MBNL1: variants seen among roughly 807,000 people sequenced by gnomAD.
MBNL1 encodes muscleblind-like protein 1.
Under a neutral mutation model 42.2 loss-of-function variants are expected in MBNL1, and 8 were observed. The observed-to-expected ratio is 0.19, with a 90% CI of 0.11 to 0.34. The LOEUF is 0.34. MBNL1 is among the 10% of genes least tolerant of loss of function. The probability of loss-of-function intolerance (pLI) is 1.00; values close to 1 mark genes in which losing one functional copy is unlikely to be tolerated. For missense variants in MBNL1, 309 were observed against 495.3 expected (o/e 0.62, Z 3.57); for synonymous variants, 169 against 173.9 (o/e 0.97, Z 0.22).
chr3:152,432,648 G>T, intron 3 of MBNL1, 69 bp from the exon 4 acceptor site: 1 of 1,348,546 alleles, frequency 7.4e-7, no homozygotes, highest in East Asian at 2.3e-5. Flanking sequence ...GAGGACAAAT[G>T]TATAATTAAG....
intron 1 of MBNL1, among the ~76,000 whole-genome samples, chr3:152,294,649 GTCAGA>G (rs1363742151): frequency 1.3e-5 from 2 of 151,990 alleles, no homozygotes; most frequent in East Asian, 3.8e-4. Flanking sequence ...TGAAATATAG[GTCAGA>G]TATTTACCTC....
rs748897568 is a variant in MBNL1, at chr3:152,464,712, A to G, written c.*2346A>G. 6.6e-6 allele frequency: 1 copy of G among 152,634 alleles called. No homozygotes were observed. Among genetic ancestry groups the G allele is most frequent in the Non-Finnish European group, 1.5e-5 (1 of 68,030 alleles). 9.5% of individuals were successfully genotyped at this position (152,634 alleles called of 1,614,324 possible). ...TTTTTGTTGATAATCCAAATACTCA[A>G]AGTTTACGTAATGAAAATTATAGCG... On this transcript the variant is annotated 3_prime_UTR_variant, in exon 10 of 10. Coordinates refer to ENST00000324210, the MANE Select transcript of MBNL1 (RefSeq NM_021038.5).
At chr3:152,399,946 G>T (rs1178902747) in intron 2 of MBNL1, among the ~76,000 whole-genome samples, 2 of 152,100 alleles carry the variant, frequency 1.3e-5, no homozygotes, top group African/African-American at 2.4e-5. Context: ...GGATTATTTA[G>T]GTCACTTTCA....
intron 2 of MBNL1, among the ~76,000 whole-genome samples, chr3:152,352,732 C>T (rs1415196832): frequency 6.6e-6 from 1 of 152,178 alleles, no homozygotes; most frequent in African/African-American, 2.4e-5. Context: ...TAACCCACAT[C>T]AGTTCCTGTT....
At chr3:152,368,733 C>T (rs1034469231) in intron 2 of MBNL1, among the ~76,000 whole-genome samples, 5 of 152,148 alleles carry the variant, frequency 3.3e-5, no homozygotes, top group African/African-American at 1.2e-4. Flanking sequence ...CCTTCACATT[C>T]CTTGTAAGTT....
chr3:152,388,085 A>G (rs2097527458), intron 2 of MBNL1, among the ~76,000 whole-genome samples: 1 of 152,170 alleles, frequency 6.6e-6, no homozygotes, highest in Non-Finnish European at 1.5e-5. Flanking sequence ...GACCCTTGAC[A>G]TTCTTGTAGT....
At chr3:152,382,278 A>C (rs1490561036) in intron 2 of MBNL1, among the ~76,000 whole-genome samples, 1 of 152,092 alleles carries the variant, frequency 6.6e-6, no homozygotes, top group Non-Finnish European at 1.5e-5. Flanking sequence ...AGCAAAGAAA[A>C]TATTTTTCTT....
chr3:152,282,820 A>G (rs1403700732), intron 1 of MBNL1, among the ~76,000 whole-genome samples: 1 of 152,214 alleles, frequency 6.6e-6, no homozygotes, highest in African/African-American at 2.4e-5. Context: ...TATGCTTAGA[A>G]TCAATGCTTT....
chr3:152,365,624 G>C lies in MBNL1; in HGVS notation c.175-49317G>C, dbSNP rs181851443. On this transcript the variant is annotated intron_variant, in intron 2 of 9. Coordinates refer to ENST00000324210, the MANE Select transcript of MBNL1 (RefSeq NM_021038.5). ...CCTAAAATTATGGCTTCTAAAAATG[G>C]AATTGGGAAACCCTTGCTTAATTTT... is the stretch of plus-strand genomic sequence containing the variant. Among the ~76,000 whole-genome samples the C allele has an allele frequency of 2.7e-3, 407 of 152,134 alleles. 8 individuals carry two copies. The highest frequency in any genetic ancestry group is 0.01 in the Middle Eastern group (3 of 294).
intron 2 of MBNL1, among the ~76,000 whole-genome samples, chr3:152,402,793 GT>G (rs1430581826): frequency 1.3e-5 from 2 of 152,140 alleles, no homozygotes; most frequent in Non-Finnish European, 2.9e-5. Flanking sequence ...TTTGAGAGCT[GT>G]TTTATTGGAC....
At chr3:152,361,374 A>G (rs1298526064) in intron 2 of MBNL1, among the ~76,000 whole-genome samples, 2 of 151,472 alleles carry the variant, frequency 1.3e-5, no homozygotes, top group African/African-American at 2.4e-5. Flanking sequence ...AGTTCCAGTG[A>G]TGCTTAGATA....
intron 2 of MBNL1, among the ~76,000 whole-genome samples, chr3:152,353,993 A>C (rs960895418): frequency 1.3e-5 from 2 of 152,206 alleles, no homozygotes; most frequent in Non-Finnish European, 2.9e-5. Context: ...TACATGATAG[A>C]GATTCATTGA....
chr3:152,386,868 A>G (rs570979731), intron 2 of MBNL1, among the ~76,000 whole-genome samples: 2 of 152,266 alleles, frequency 1.3e-5, no homozygotes, highest in South Asian at 2.1e-4. Context: ...CTTTAATAGT[A>G]TAGGTTGATT....
At chr3:152,441,799 T>A (rs1560609028) in intron 4 of MBNL1, among the ~76,000 whole-genome samples, 1 of 152,306 alleles carries the variant, frequency 6.6e-6, no homozygotes, top group East Asian at 1.9e-4. Flanking sequence ...CAAACAATAT[T>A]TTTTTTCTTT....
chr3:152,251,900 G>A (rs1320177319), intron 2 of MBNL1, among the ~76,000 whole-genome samples: 2 of 151,992 alleles, frequency 1.3e-5, no homozygotes, highest in Admixed American at 6.6e-5. Flanking sequence ...TATAATGGCT[G>A]CAGTATGATG....
intron 1 of MBNL1, among the ~76,000 whole-genome samples, chr3:152,271,298 A>G (rs1429296746): frequency 1.3e-5 from 2 of 152,190 alleles, no homozygotes; most frequent in South Asian, 2.1e-4. Flanking sequence ...ACAAGAACAG[A>G]CTAACCCAAA....
intron 2 of MBNL1, among the ~76,000 whole-genome samples, chr3:152,307,852 G>A (rs2064048872): frequency 6.6e-6 from 1 of 152,172 alleles, no homozygotes; most frequent in African/African-American, 2.4e-5. Context: ...GCCTAAAACA[G>A]TAAGTACTCA....
intron 2 of MBNL1, among the ~76,000 whole-genome samples, chr3:152,387,100 T>G (rs959500656): frequency 6.6e-6 from 1 of 152,114 alleles, no homozygotes; most frequent in African/African-American, 2.4e-5. Context: ...GAAGGAAAAC[T>G]ATGAATCTCT....
intron 2 of MBNL1, among the ~76,000 whole-genome samples, chr3:152,388,529 A>T (rs2097543834): frequency 6.6e-6 from 1 of 152,218 alleles, no homozygotes; most frequent in East Asian, 1.9e-4. Context: ...CTCAATTTCT[A>T]TGCCAAGTGC....
Sources: allele counts gnomAD v4.1 joint callset (sites outside exome capture counted in the v4.1 genomes callset), GRCh38; gene constraint gnomAD v4.1.1; transcripts MANE v1.5; gene names NCBI Gene and HGNC (gene_info 2026-07-23, HGNC 2026-07-21).